Variants in RNF146 observed in about 807,000 individuals in gnomAD.
The protein encoded by RNF146 is ring finger protein 146.
A neutral mutation model predicts 29.7 loss-of-function variants in RNF146; 11 were observed. The ratio of observed to expected loss-of-function variants is 0.37; its 90% CI spans 0.23 to 0.61. RNF146 has a LOEUF of 0.61. Ranked by LOEUF, RNF146 falls within the 20% of genes least tolerant of loss-of-function variation. The pLI, the probability that RNF146 is intolerant of heterozygous loss-of-function variation, is 0.66. For synonymous variants in RNF146, 150 were observed against 159.7 expected (o/e 0.94, Z 0.46); for missense variants, 342 against 438.9 (o/e 0.78, Z 1.97).
Position 127,287,716 on chromosome 6 carries a change from G to A in RNF146, c.*23G>A. 1 of 1,418,468 alleles carries A rather than the reference G, an allele frequency of 7.0e-7. No individual in the cohort carries two copies. The highest frequency in any genetic ancestry group is 9.7e-7 in the Non-Finnish European group (1 of 1,034,496). The allele number at this position is 1,418,468 out of a possible 1,614,324, so 87.9% of individuals were successfully genotyped here. A position where few individuals can be genotyped will look rare whatever the true frequency, so the allele number is the denominator to read the frequency against. ...TAAATAAAAATGTCTTCAGCTCCAT[G>A]CTCAAGGTTGAAAGGGTTACCTGTA... On this transcript the variant is annotated 3_prime_UTR_variant, in exon 3 of 3. Coordinates refer to ENST00000368314, the MANE Select transcript of RNF146 (RefSeq NM_001242850.2).
intron 1 of RNF146, among the ~76,000 whole-genome samples, chr6:127,273,047 T>TTAACTTCTTGTAATGGCA (rs1777715652): frequency 7.3e-6 from 1 of 137,490 alleles, no homozygotes; most frequent in Admixed American, 7.7e-5. Context: ...ACCAGGTAAT[T>TTAACTTCTTGTAATGGCA]TAACTTCTTG....
chr6:127,278,450 A>AATCATACTTTTCTGTATGTGGC (rs375508582), intron 1 of RNF146, among the ~76,000 whole-genome samples: 1,621 of 152,128 alleles, frequency 0.011, 32 homozygotes, highest in African/African-American at 0.037. Flanking sequence ...ATGTAAGTGG[A>AATCATACTTTTCTGTATGTGGC]ATCATACTTT....
intron 2 of RNF146, among the ~76,000 whole-genome samples, chr6:127,281,302 T>C (rs190762509): frequency 6.6e-6 from 1 of 151,842 alleles, no homozygotes; most frequent in African/African-American, 2.4e-5. Context: ...TATCTATCTG[T>C]ATACATTTTT....
At chr6:127,279,189 A>G (rs897806721) in intron 1 of RNF146, among the ~76,000 whole-genome samples, 3 of 151,928 alleles carry the variant, frequency 2.0e-5, no homozygotes, top group Admixed American at 2.0e-4. Flanking sequence ...CTAGGAATCC[A>G]TTGCAAATCT....
chr6:127,287,763 A>C lies in RNF146; in HGVS notation c.*70A>C. On this transcript the variant is annotated 3_prime_UTR_variant, in exon 3 of 3. Transcript: ENST00000368314. ...TGTAAATTTCTGCCCACATAACATT[A>C]TACTCATCCCTAGTAGTGCATTTTG... 1 of 956,936 alleles carries C rather than the reference A, an allele frequency of 1.0e-6. No individual in the cohort carries two copies. Among genetic ancestry groups the C allele is most frequent in the Non-Finnish European group, 1.6e-6 (1 of 623,046 alleles). 59.3% of individuals were successfully genotyped at this position (956,936 alleles called of 1,614,324 possible).
chr6:127,287,642 C>T lies in RNF146; in HGVS notation c.1029C>T (p.Val343=), dbSNP rs148144282. 8.7e-6 allele frequency: 14 copies of T among 1,609,470 alleles called. No homozygotes were observed. The African/African-American group carries it at 1.7e-4, about 20-fold the overall frequency. The part of the protein sequence containing the change: ...RSVAGGGTVS[V]SVRSRRPDGQ... ...TAGCAGGGGGTGGAACAGTGAGTGTCAGTGTCAGATCTAGAAGGCCTGATG... is the reference window on the plus strand; with the variant it reads ...TAGCAGGGGGTGGAACAGTGAGTGTTAGTGTCAGATCTAGAAGGCCTGATG... The change falls in exon 3 of 3, where the codon GTC becomes GTT. Residue 343 remains valine, a synonymous_variant. Coordinates refer to ENST00000368314, the MANE Select transcript of RNF146 (RefSeq NM_001242850.2).
intron 2 of RNF146, among the ~76,000 whole-genome samples, chr6:127,281,980 T>G (rs1449023970): frequency 6.6e-6 from 1 of 151,632 alleles, no homozygotes; most frequent in Non-Finnish European, 1.5e-5. Flanking sequence ...ATCGATAAAC[T>G]AGGAGGGAGA....
At chr6:127,278,430 T>A (rs1778517821) in intron 1 of RNF146, among the ~76,000 whole-genome samples, 1 of 152,074 alleles carries the variant, frequency 6.6e-6, no homozygotes, top group South Asian at 2.1e-4. Context: ...TTGCCTATTC[T>A]TGATATTTCA....
At position 127,280,256 on chromosome 6, in the gene RNF146, G is replaced by C. The variant is rs1778756633; in HGVS notation, c.-83G>C. The C allele has an allele frequency of 7.2e-7, 1 of 1,385,376 alleles. No homozygotes were observed. The highest frequency in any genetic ancestry group is 1.4e-5 in the African/African-American group (1 of 69,468). The allele number at this position is 1,385,376 out of a possible 1,614,324, so 85.8% of individuals were successfully genotyped here. A position where few individuals can be genotyped will look rare whatever the true frequency, so the allele number is the denominator to read the frequency against. On this transcript the variant is annotated 5_prime_UTR_variant, in exon 2 of 3. Transcript: ENST00000368314. ...CACAAAGAATGAACCAGCAGTGGAA[G>C]AGAAAATACTGTAAGCTGGCTGACT...
Position 127,280,231 on chromosome 6 carries a change from C to T in RNF146, c.-108C>T. 1.9e-6 allele frequency: 2 copies of T among 1,049,060 alleles called. No homozygotes were observed. The highest frequency in any genetic ancestry group is 2.8e-6 in the Non-Finnish European group (2 of 704,278). The allele number at this position is 1,049,060 out of a possible 1,614,324, so 65.0% of individuals were successfully genotyped here. A position where few individuals can be genotyped will look rare whatever the true frequency, so the allele number is the denominator to read the frequency against. On this transcript the variant is annotated splice_region_variant and 5_prime_UTR_variant, in exon 2 of 3. Coordinates refer to ENST00000368314, the MANE Select transcript of RNF146 (RefSeq NM_001242850.2). ...TAATTACTCTTTTTTTCTTTTGCAG[C>T]ACAAAGAATGAACCAGCAGTGGAAG... is the stretch of plus-strand genomic sequence containing the variant.
At chr6:127,272,557 C>G (rs781385183) in intron 1 of RNF146, among the ~76,000 whole-genome samples, 22 of 152,246 alleles carry the variant, frequency 1.4e-4, no homozygotes, top group Admixed American at 3.3e-4. Flanking sequence ...CTGTTTACAT[C>G]TGTTAAGTTT....
chr6:127,286,669 G>A lies in RNF146; in HGVS notation c.56G>A (p.Arg19Lys), dbSNP rs750781825. 2 of 1,612,954 alleles carry A rather than the reference G, an allele frequency of 1.2e-6. No homozygotes were observed. Among genetic ancestry groups the A allele is most frequent in the South Asian group, 2.2e-5 (2 of 90,932 alleles). Residue 19 changes from arginine to lysine, a missense_variant, in exon 3 of 3, where the codon AGG becomes AAG. By Grantham distance (26) the Arg-to-Lys change is conservative. Transcript: ENST00000368314. This position sits in a 1 kb window ranked among gnomAD's most constrained non-coding sequence, Gnocchi z 4.6. ...DHSINMLPTN[R>K]KANESCSNTA... The stretch of plus-strand genomic sequence containing the variant: ...TCAATAAACATGCTTCCTACAAACA[G>A]GAAAGCGAACGAGTCCTGTTCTAAT...
intron 1 of RNF146, among the ~76,000 whole-genome samples, chr6:127,275,027 A>C (rs1240344718): frequency 6.6e-6 from 1 of 152,170 alleles, no homozygotes; most frequent in Non-Finnish European, 1.5e-5. Context: ...AAAGGGTAGA[A>C]TGTCTGTATA....
At chr6:127,285,455 ATCT>A in intron 2 of RNF146, 1 of 399,704 alleles carries the variant, frequency 2.5e-6, no homozygotes, top group African/African-American at 2.2e-5. Flanking sequence ...AATCTCTGAC[ATCT>A]TCATCTTTAT....
chr6:127,277,540 C>T (rs886134018), intron 1 of RNF146, among the ~76,000 whole-genome samples: 2 of 151,964 alleles, frequency 1.3e-5, no homozygotes, highest in Admixed American at 1.3e-4. Context: ...CACAAAGTCC[C>T]ACAACAGGCT....
rs1779570310 is a variant in RNF146 at position 127,286,721 on chromosome 6, A to G, written c.108A>G (p.Glu36=). 6.2e-7 allele frequency: 1 copy of G among 1,613,400 alleles called. No individual in the cohort carries two copies. The highest frequency in any genetic ancestry group is 1.1e-5 in the South Asian group (1 of 91,070). Residue 36 remains glutamate (E), a synonymous_variant, in exon 3 of 3, where the codon GAA becomes GAG. Coordinates refer to ENST00000368314, the MANE Select transcript of RNF146 (RefSeq NM_001242850.2). This position sits in a 1 kb window ranked among gnomAD's most constrained non-coding sequence, Gnocchi z 4.6. ...SNTAPSLTVP[E]CAICLQTCVH... ...CTGCACCTTCTTTAACCGTCCCTGA[A>G]TGTGCCATTTGTCTGCAAACATGTG...
At chr6:127,268,347 G>T (rs1226087960) in intron 1 of RNF146, among the ~76,000 whole-genome samples, 1 of 152,198 alleles carries the variant, frequency 6.6e-6, no homozygotes, top group East Asian at 1.9e-4. Context: ...GACATGGCAC[G>T]TAAGGACACG....
At chr6:127,285,744 C>T (rs1779430818) in intron 2 of RNF146, among the ~76,000 whole-genome samples, 2 of 151,850 alleles carry the variant, frequency 1.3e-5, no homozygotes, top group African/African-American at 2.4e-5. Flanking sequence ...GAACACTAAA[C>T]TTTCTAACCT....
In RNF146 at chr6:127,287,685, G is replaced by C; in HGVS notation, c.1072G>C (p.Glu358Gln). Residue 358 changes from glutamate to glutamine, a missense_variant, in exon 3 of 3, where the codon GAA (glutamate) becomes CAA (glutamine). Glu to Gln is a conservative substitution (Grantham distance 29). Transcript: ENST00000368314. The stretch of plus-strand genomic sequence containing the variant: ...GCCTGATGGACAGTGCACAGTAACT[G>C]AAGTTTAAATAAAAATGTCTTCAGC... ...RRPDGQCTVT[E>Q]V 6.4e-7 allele frequency: 1 copy of C among 1,554,912 alleles called. No homozygotes were observed. Among genetic ancestry groups the C allele is most frequent in the Non-Finnish European group, 8.7e-7 (1 of 1,148,502 alleles).
Sources: allele counts gnomAD v4.1 joint callset (sites outside exome capture counted in the v4.1 genomes callset), GRCh38; gene constraint gnomAD v4.1.1; non-coding constraint Gnocchi (gnomAD v3.1); transcripts MANE v1.5; gene names NCBI Gene and HGNC (gene_info 2026-07-23, HGNC 2026-07-21).